Variants in STK33 observed in about 807,000 individuals in gnomAD.
STK33 encodes serine/threonine-protein kinase 33.
STK33 carries 52 observed loss-of-function variants against 58.0 expected under a neutral mutation model. The ratio of observed to expected loss-of-function variants is 0.90; its 90% CI spans 0.72 to 1.13. STK33 has a LOEUF of 1.13. Among genes scored for constraint, STK33 ranks in the 50% most tolerant of loss-of-function variants. The pLI, the probability that STK33 is intolerant of heterozygous loss-of-function variation, is 0.00. For missense variants in STK33, 630 were observed against 604.2 expected (o/e 1.04, Z -0.45); for synonymous variants, 215 against 200.1 (o/e 1.07, Z -0.63).
At chr11:8,369,160 TGAGA>T in the STK33 span, among the ~76,000 whole-genome samples, 1 of 152,228 alleles carries the variant, frequency 6.6e-6, no homozygotes. Context: ...TCATATTCAT[TGAGA>T]GAGAAAGAAG....
chr11:8,588,526 C>T (rs1166430769), intron 1 of STK33, among the ~76,000 whole-genome samples: 2 of 152,144 alleles, frequency 1.3e-5, no homozygotes, highest in East Asian at 3.8e-4. Context: ...CAAAACTTAA[C>T]TCAAAATGGA....
rs1448483627 is a variant in STK33 at position 8,440,682 on chromosome 11, T to C, written c.943A>G (p.Met315Val). ...DIWSIGVVMY[M>V]LLRGEPPFLA... ...TACATTTAGCAGGCTACTTACAACA[T>C]GTACATTACGACGCCTATGCTCCAA... The change falls in exon 12 of 16, where the codon ATG becomes GTG. Residue 315 changes from methionine to valine, a missense_variant. Physicochemically the swap from Met to Val is conservative, Grantham distance 21 (BLOSUM62 1). Transcript: ENST00000687296. 1 of 1,562,560 alleles carries C rather than the reference T, an allele frequency of 6.4e-7. No homozygotes were observed. The highest frequency in any genetic ancestry group is 8.7e-7 in the Non-Finnish European group (1 of 1,151,354).
At chr11:8,426,923 T>A (rs904963210) in intron 14 of STK33, among the ~76,000 whole-genome samples, 8 of 152,232 alleles carry the variant, frequency 5.3e-5, no homozygotes, top group Non-Finnish European at 7.3e-5. Flanking sequence ...CATGTGCTGC[T>A]CCCATGCCCT....
chr11:8,377,507 A>G, the STK33 span, among the ~76,000 whole-genome samples: 1 of 152,134 alleles, frequency 6.6e-6, no homozygotes, highest in Admixed American at 6.6e-5. Flanking sequence ...GACCCACAGC[A>G]CTCCATCATA....
the STK33 span, among the ~76,000 whole-genome samples, chr11:8,376,101 C>A: frequency 6.6e-6 from 1 of 152,218 alleles, no homozygotes; most frequent in Non-Finnish European, 1.5e-5. Flanking sequence ...TCCAAAGAGG[C>A]TCCAGGGGAA....
chr11:8,584,719 C>T (rs2031166256), intron 1 of STK33, among the ~76,000 whole-genome samples: 1 of 152,112 alleles, frequency 6.6e-6, no homozygotes, highest in Non-Finnish European at 1.5e-5. Flanking sequence ...TTTTCTGTTA[C>T]CAAGTGCCAG....
chr11:8,479,186 G>T (rs968052710), intron 2 of STK33, among the ~76,000 whole-genome samples: 1 of 151,920 alleles, frequency 6.6e-6, no homozygotes, highest in Admixed American at 6.6e-5. Flanking sequence ...AGGCTGAGGC[G>T]GGTGGATCAC....
chr11:8,431,848 C>A (rs1342754534), intron 14 of STK33, among the ~76,000 whole-genome samples: 1 of 152,088 alleles, frequency 6.6e-6, no homozygotes, highest in Non-Finnish European at 1.5e-5. Flanking sequence ...TTTCTGGTCT[C>A]ATTTCTCACT....
At chr11:8,548,519 T>C (rs978344930) in intron 1 of STK33, among the ~76,000 whole-genome samples, 1 of 152,226 alleles carries the variant, frequency 6.6e-6, no homozygotes, top group African/African-American at 2.4e-5. Context: ...GACTTTGTAA[T>C]ATATTTTGAA....
chr11:8,424,318 T>C lies in STK33; in HGVS notation c.1147-10626A>G, dbSNP rs529379397. ...CCATGTCCCTACAAAGGACATGAAC[T>C]CATCATTTTTTATGGCTGCATAGTA... On this transcript the variant is annotated intron_variant, in intron 14 of 15. Coordinates refer to ENST00000687296, the MANE Select transcript of STK33 (RefSeq NM_001352389.2). Among the ~76,000 whole-genome samples, 760 of 125,264 alleles carry C rather than the reference T, an allele frequency of 6.1e-3. 15 individuals are homozygous for C. Among genetic ancestry groups the C allele is most frequent in the Middle Eastern group, 0.056 (14 of 250 alleles). 82.2% of individuals were successfully genotyped at this position (125,264 alleles called of 152,430 possible). A position where few individuals can be genotyped will look rare whatever the true frequency, so the allele number is the denominator to read the frequency against.
chr11:8,340,177 G>A, the STK33 span, among the ~76,000 whole-genome samples: 1 of 152,144 alleles, frequency 6.6e-6, no homozygotes, highest in Non-Finnish European at 1.5e-5. Context: ...TAAACTCTGG[G>A]GTCTTTTTTC....
chr11:8,489,160 G>A (rs1432573831), intron 1 of STK33, among the ~76,000 whole-genome samples: 1 of 151,460 alleles, frequency 6.6e-6, no homozygotes, highest in Non-Finnish European at 1.5e-5. Context: ...GGGAGACTAA[G>A]GTGGGAGGAT....
intron 12 of STK33, among the ~76,000 whole-genome samples, chr11:8,437,719 G>A (rs1374263): frequency 0.38 from 58,298 of 151,734 alleles, 11,579 homozygotes; most frequent in South Asian, 0.56. Flanking sequence ...TTTTTTCATA[G>A]TAATGATGAT....
At chr11:8,410,046 T>C (rs1371908849) in intron 15 of STK33, among the ~76,000 whole-genome samples, 1 of 152,162 alleles carries the variant, frequency 6.6e-6, no homozygotes, top group Non-Finnish European at 1.5e-5. Context: ...AATGCTTCAA[T>C]ACTGGGATAA....
intron 1 of STK33, among the ~76,000 whole-genome samples, chr11:8,572,464 C>T (rs536319663): frequency 1.4e-4 from 22 of 152,040 alleles, no homozygotes; most frequent in Admixed American, 5.9e-4. Context: ...ATAAAATCTG[C>T]GAAAATATGC....
chr11:8,385,825 A>T, the STK33 span, among the ~76,000 whole-genome samples: 1 of 150,368 alleles, frequency 6.7e-6, no homozygotes, highest in Non-Finnish European at 1.5e-5. Context: ...CCCAGGCTGG[A>T]GTGCAGCGGC....
chr11:8,547,297 C>G (rs936573990), intron 1 of STK33, among the ~76,000 whole-genome samples: 2 of 152,172 alleles, frequency 1.3e-5, no homozygotes, highest in African/African-American at 4.8e-5. Context: ...TCACTGAAAC[C>G]TCCGCCTCCC....
intron 1 of STK33, among the ~76,000 whole-genome samples, chr11:8,552,844 C>A (rs1018130369): frequency 5.9e-5 from 9 of 151,854 alleles, no homozygotes; most frequent in Non-Finnish European, 8.8e-5. Flanking sequence ...AAAGAGGAGA[C>A]TCTAAAATAA....
chr11:8,482,399 T>C (rs993281462), intron 1 of STK33, among the ~76,000 whole-genome samples: 3 of 152,158 alleles, frequency 2.0e-5, no homozygotes, highest in African/African-American at 4.8e-5. Flanking sequence ...CAAATGAGAA[T>C]CCAGCCATCT....
Sources: allele counts gnomAD v4.1 joint callset (sites outside exome capture counted in the v4.1 genomes callset), GRCh38; gene constraint gnomAD v4.1.1; transcripts MANE v1.5; gene names NCBI Gene and HGNC (gene_info 2026-07-23, HGNC 2026-07-21).